EEIG2: variants seen among roughly 807,000 people sequenced by gnomAD.
EEIG2 encodes the protein family with sequence similarity 102 member B.
At chr1:108,596,224 C>T in the EEIG2 span, among the ~76,000 whole-genome samples, 1 of 151,088 alleles carries the variant, frequency 6.6e-6, no homozygotes, top group Non-Finnish European at 1.5e-5. Context: ...AAGTTATATA[C>T]TTCTGTTCCC....
the EEIG2 span, chr1:108,560,116 C>A: frequency 5.7e-6 from 1 of 174,586 alleles, no homozygotes; most frequent in African/African-American, 2.7e-5. Flanking sequence ...GCGGCAGCGG[C>A]GGCGGAGGCG....
the EEIG2 span, chr1:108,628,364 G>C: frequency 2.5e-6 from 4 of 1,611,992 alleles, no homozygotes; most frequent in Non-Finnish European, 2.5e-6. Context: ...TTTGATATGA[G>C]TATTATATCC....
chr1:108,598,168 C>T, the EEIG2 span, among the ~76,000 whole-genome samples: 4 of 151,672 alleles, frequency 2.6e-5, no homozygotes, highest in African/African-American at 9.7e-5. Flanking sequence ...CCCGTCTCTA[C>T]AAAAATACAA....
At chr1:108,566,634 T>C in the EEIG2 span, among the ~76,000 whole-genome samples, 1 of 152,062 alleles carries the variant, frequency 6.6e-6, no homozygotes, top group Non-Finnish European at 1.5e-5. Flanking sequence ...AACCTAAGTG[T>C]CTGTAAACAG....
the EEIG2 span, chr1:108,635,084 AGTTT>A: frequency 6.2e-7 from 1 of 1,613,826 alleles, no homozygotes; most frequent in East Asian, 2.2e-5. Flanking sequence ...AAAATTTTGA[AGTTT>A]TTTTCCACTG....
the EEIG2 span, among the ~76,000 whole-genome samples, chr1:108,582,982 C>T: frequency 4.0e-5 from 6 of 151,662 alleles, no homozygotes; most frequent in East Asian, 1.2e-3. Context: ...ACCCCCCACA[C>T]ACACTTTCTC....
the EEIG2 span, among the ~76,000 whole-genome samples, chr1:108,571,079 C>T: frequency 1.3e-5 from 2 of 152,208 alleles, no homozygotes; most frequent in Non-Finnish European, 2.9e-5. Context: ...CATGATATTA[C>T]GATAGCCAGA....
At chr1:108,573,823 G>A in the EEIG2 span, among the ~76,000 whole-genome samples, 29 of 152,274 alleles carry the variant, frequency 1.9e-4, no homozygotes, top group Non-Finnish European at 3.2e-4. Context: ...AAACCACAGT[G>A]AGGTATCACC....
At chr1:108,620,826 C>A in the EEIG2 span, among the ~76,000 whole-genome samples, 13 of 152,140 alleles carry the variant, frequency 8.5e-5, no homozygotes, top group Non-Finnish European at 1.5e-5. Flanking sequence ...ACTTAACAAG[C>A]TAGAAAAGAC....
At chr1:108,635,207 T>A in the EEIG2 span, 1 of 1,596,136 alleles carries the variant, frequency 6.3e-7, no homozygotes, top group Non-Finnish European at 8.6e-7. Context: ...AGTTGATGTA[T>A]CAAGGCATTT....
At chr1:108,638,298 A>G in the EEIG2 span, 1 of 152,204 alleles carries the variant, frequency 6.6e-6, no homozygotes, top group Non-Finnish European at 1.5e-5. Flanking sequence ...GAGGTTGACC[A>G]CTTAGCCAAT....
At chr1:108,614,628 C>T in the EEIG2 span, among the ~76,000 whole-genome samples, 1 of 152,092 alleles carries the variant, frequency 6.6e-6, no homozygotes, top group African/African-American at 2.4e-5. Flanking sequence ...TGGCATGTCC[C>T]CTCTCCTGTC....
At chr1:108,590,635 G>A in the EEIG2 span, among the ~76,000 whole-genome samples, 709 of 152,336 alleles carry the variant, frequency 4.7e-3, 4 homozygotes, top group African/African-American at 0.016. Context: ...ACAGTTGGCA[G>A]GGAGCAGAGG....
the EEIG2 span, among the ~76,000 whole-genome samples, chr1:108,567,167 T>A: frequency 3.9e-4 from 60 of 152,184 alleles, no homozygotes; most frequent in Non-Finnish European, 4.0e-4. Context: ...AAATAAAAAA[T>A]TTTTTAATTA....
At chr1:108,635,948 T>G in the EEIG2 span, 1 of 152,214 alleles carries the variant, frequency 6.6e-6, no homozygotes, top group African/African-American at 2.4e-5. Context: ...AATATTAAGA[T>G]CTGCTGGTTT....
At chr1:108,605,410 A>C in the EEIG2 span, among the ~76,000 whole-genome samples, 2 of 152,188 alleles carry the variant, frequency 1.3e-5, no homozygotes, top group African/African-American at 2.4e-5. Flanking sequence ...ATTGTTCCTT[A>C]ACATATTTGT....
At chr1:108,582,294 C>T in the EEIG2 span, among the ~76,000 whole-genome samples, 1 of 152,076 alleles carries the variant, frequency 6.6e-6, no homozygotes, top group Non-Finnish European at 1.5e-5. Flanking sequence ...GAAGTGAACC[C>T]ATAATATCCC....
chr1:108,560,276 G>GCCCCGGCCGCGGCCGGCCTGCGGCGCC, the EEIG2 span: 2 of 351,976 alleles, frequency 5.7e-6, no homozygotes, highest in Admixed American at 6.7e-5. Context: ...GGCGGCAGCG[G>GCCCCGGCCGCGGCCGGCCTGCGGCGCC]CCCCGGCCGC....
At chr1:108,605,108 A>C in the EEIG2 span, among the ~76,000 whole-genome samples, 2 of 152,168 alleles carry the variant, frequency 1.3e-5, no homozygotes, top group Non-Finnish European at 2.9e-5. Context: ...ATGAAACCCC[A>C]ATTGGAGTGG....
Sources: gnomAD v4.1 joint callset for allele counts (sites outside exome capture counted in the v4.1 genomes callset) on GRCh38, gnomAD v4.1.1 for gene constraint, MANE v1.5 for transcripts, NCBI Gene and HGNC (gene_info 2026-07-23, HGNC 2026-07-21) for gene names.